IL1RAP: variants seen among roughly 807,000 people sequenced by gnomAD.
The protein encoded by IL1RAP is interleukin 1 receptor accessory protein, also known as interleukin-1 receptor accessory protein.
Under a neutral mutation model 60.7 loss-of-function variants are expected in IL1RAP, and 35 were observed. The ratio of observed to expected loss-of-function variants is 0.58; its 90% confidence interval spans 0.44 to 0.76. The LOEUF (loss-of-function observed/expected upper bound fraction) is 0.76. Ranked by LOEUF, IL1RAP falls within the 30% of genes least tolerant of loss-of-function variation. IL1RAP has a pLI of 0.00. For missense variants in IL1RAP, 572 were observed against 693.9 expected, an observed-to-expected ratio of 0.82 and a Z score of 1.97; for synonymous variants, 268 against 250.9, an observed-to-expected ratio of 1.07 and a Z score of -0.64.
Position 190,649,038 on chromosome 3 carries a change from C to T in IL1RAP, c.*333C>T, listed in dbSNP as rs74319013. The T allele has an allele frequency of 2.5e-3, 2,497 of 1,013,856 alleles. 47 individuals carry two copies. In the African/African-American group the frequency reaches 0.041, roughly 16 times the overall value. The allele number at this position is 1,013,856 out of a possible 1,614,324, so 62.8% of individuals were successfully genotyped here. A position where few individuals can be genotyped will look rare whatever the true frequency, so the allele number is the denominator to read the frequency against. On this transcript the variant is annotated 3_prime_UTR_variant, in exon 12 of 12. Coordinates refer to ENST00000447382, the MANE Select transcript of IL1RAP (RefSeq NM_002182.4). ...TTTAAAATCTTAACATATGGAGCAGCCTTTCCTATGAATTTAAATATGCCT... is the reference window on the plus strand; with the variant it reads ...TTTAAAATCTTAACATATGGAGCAGTCTTTCCTATGAATTTAAATATGCCT...
chr3:190,581,882 TCTAA>T (rs1209889536), intron 3 of IL1RAP, among the ~76,000 whole-genome samples: 3 of 152,178 alleles, frequency 2.0e-5, no homozygotes, highest in African/African-American at 7.2e-5. Context: ...GTCTCATATG[TCTAA>T]CTGTTTCAGG....
chr3:190,600,041 T>C (rs1175081509), intron 3 of IL1RAP, among the ~76,000 whole-genome samples: 3 of 152,148 alleles, frequency 2.0e-5, no homozygotes, highest in East Asian at 3.9e-4. Flanking sequence ...CTTTTTTTTT[T>C]CTGACATTAC....
At chr3:190,577,318 G>A (rs1472970998) in intron 3 of IL1RAP, among the ~76,000 whole-genome samples, 3 of 152,106 alleles carry the variant, frequency 2.0e-5, no homozygotes, top group Admixed American at 6.5e-5. Flanking sequence ...GTTTGCCGGA[G>A]CTAGGTGGTA....
intron 7 of IL1RAP, 47 bp downstream of exon 7, chr3:190,623,462 C>A (rs1731954275): frequency 3.1e-6 from 4 of 1,295,980 alleles, no homozygotes; most frequent in South Asian, 1.2e-5. Flanking sequence ...CTCTTAATTA[C>A]AAGGAATAAA....
chr3:190,583,508 C>A (rs1419106070), intron 3 of IL1RAP, among the ~76,000 whole-genome samples: 1 of 152,216 alleles, frequency 6.6e-6, no homozygotes, highest in East Asian at 1.9e-4. Flanking sequence ...ATCCACCAAA[C>A]TCTGTGTGCT....
chr3:190,558,897 G>A (rs1031765937), intron 2 of IL1RAP, among the ~76,000 whole-genome samples: 1 of 152,096 alleles, frequency 6.6e-6, no homozygotes, highest in South Asian at 2.1e-4. Flanking sequence ...AAACTTAGTT[G>A]CTTAAAAAGC....
intron 3 of IL1RAP, among the ~76,000 whole-genome samples, chr3:190,567,002 C>T (rs1726468199): frequency 6.6e-6 from 1 of 152,218 alleles, no homozygotes; most frequent in South Asian, 2.1e-4. Flanking sequence ...AAGCAATCTA[C>T]ATGCGTATCA....
At chr3:190,594,285 A>G (rs1729194289) in intron 3 of IL1RAP, among the ~76,000 whole-genome samples, 4 of 152,194 alleles carry the variant, frequency 2.6e-5, no homozygotes, top group African/African-American at 7.2e-5. Flanking sequence ...GGATATAAAA[A>G]GCTTATTTAT....
chr3:190,648,330 T>G lies in IL1RAP; in HGVS notation c.1346-8T>G, dbSNP rs1734182603. On this transcript the variant is annotated splice_region_variant and splice_polypyrimidine_tract_variant and intron_variant, in intron 11 of 11. Transcript: ENST00000447382. ...AACACTAATCCCCATGGTTGTTTTC[T>G]TTCCCAGTTGTCACAGATGAGACTT... 1 of 1,567,480 alleles carries G rather than the reference T, an allele frequency of 6.4e-7. No individual in the cohort carries two copies. Among genetic ancestry groups the G allele is most frequent in the Non-Finnish European group, 8.6e-7 (1 of 1,164,024 alleles).
intron 3 of IL1RAP, among the ~76,000 whole-genome samples, chr3:190,592,169 G>A (rs750386165): frequency 2.4e-4 from 36 of 152,100 alleles, no homozygotes; most frequent in Non-Finnish European, 4.7e-4. Context: ...ACAGGCACGC[G>A]CCACCACACC....
chr3:190,608,939 T>G, intron 4 of IL1RAP, 56 bp from the exon 5 acceptor site: 1 of 1,342,060 alleles, frequency 7.5e-7, no homozygotes, highest in Non-Finnish European at 1.1e-6. Flanking sequence ...TGAATGTGGT[T>G]GCTCTATGAA....
At chr3:190,599,954 C>T (rs9861208) in intron 3 of IL1RAP, among the ~76,000 whole-genome samples, 12,426 of 151,864 alleles carry the variant, frequency 0.082, 570 homozygotes, top group African/African-American at 0.11. Context: ...GGTTCCTTAT[C>T]GCTCTGAGAA....
chr3:190,557,012 A>T (rs1270296354), intron 2 of IL1RAP, among the ~76,000 whole-genome samples: 1 of 152,178 alleles, frequency 6.6e-6, no homozygotes, highest in East Asian at 1.9e-4. Flanking sequence ...CTTAATCATC[A>T]AATTGTCCTC....
At chr3:190,565,604 G>A (rs1726315180) in intron 3 of IL1RAP, among the ~76,000 whole-genome samples, 1 of 152,140 alleles carries the variant, frequency 6.6e-6, no homozygotes, top group Non-Finnish European at 1.5e-5. Context: ...AGCCTTGTTG[G>A]CCCTTTGGGG....
At chr3:190,643,198 A>G (rs1185721663) in intron 9 of IL1RAP, among the ~76,000 whole-genome samples, 1 of 152,244 alleles carries the variant, frequency 6.6e-6, no homozygotes, top group Non-Finnish European at 1.5e-5. Flanking sequence ...AGGGAAGAGT[A>G]AAAATTTCTA....
intron 1 of IL1RAP, among the ~76,000 whole-genome samples, chr3:190,542,269 G>A (rs1724002663): frequency 1.3e-5 from 2 of 152,150 alleles, no homozygotes; most frequent in Admixed American, 1.3e-4. Flanking sequence ...GGAGAATGAT[G>A]TGAAAGAATC....
At chr3:190,616,842 CA>C (rs1171748044) in intron 5 of IL1RAP, among the ~76,000 whole-genome samples, 1 of 152,158 alleles carries the variant, frequency 6.6e-6, no homozygotes, top group Non-Finnish European at 1.5e-5. Context: ...GAGCATTTAC[CA>C]AGCACCAAGT....
intron 1 of IL1RAP, among the ~76,000 whole-genome samples, chr3:190,551,208 A>C (rs1488599145): frequency 1.3e-5 from 2 of 152,164 alleles, no homozygotes; most frequent in East Asian, 3.8e-4. Flanking sequence ...GTATGAAGCC[A>C]GTTTTTTTCC....
At chr3:190,608,419 C>A (rs985101761) in intron 4 of IL1RAP, among the ~76,000 whole-genome samples, 10 of 152,036 alleles carry the variant, frequency 6.6e-5, no homozygotes, top group African/African-American at 2.2e-4. Context: ...AACGGTACAC[C>A]TATGTAGGGC....
Sources: gnomAD v4.1 joint callset for allele counts (sites outside exome capture counted in the v4.1 genomes callset) on GRCh38, gnomAD v4.1.1 for gene constraint, MANE v1.5 for transcripts, NCBI Gene and HGNC (gene_info 2026-07-23, HGNC 2026-07-21) for gene names.